Variants in PTPRM observed in about 807,000 individuals in gnomAD.
PTPRM encodes the protein protein tyrosine phosphatase receptor type M, also known as receptor-type tyrosine-protein phosphatase mu.
PTPRM carries 47 observed loss-of-function variants against 186.7 expected under a neutral mutation model. The ratio of observed to expected loss-of-function variants is 0.25; its 90% CI spans 0.20 to 0.32. The LOEUF (loss-of-function observed/expected upper bound fraction) is 0.32. PTPRM is among the 10% of genes least tolerant of loss of function. The probability of loss-of-function intolerance (pLI) is 1.00; values close to 1 mark genes in which losing one functional copy is unlikely to be tolerated. For missense variants in PTPRM, 1,494 were observed against 1,865.0 expected (o/e 0.80, Z 3.66); for synonymous variants, 668 against 674.9 (o/e 0.99, Z 0.16).
At chr18:7,754,496 A>C (rs1568081786) in intron 1 of PTPRM, among the ~76,000 whole-genome samples, 1 of 152,152 alleles carries the variant, frequency 6.6e-6, no homozygotes, top group Non-Finnish European at 1.5e-5. Flanking sequence ...AGCTCCCAAG[A>C]TGTTCCCTCC....
At chr18:7,886,349 G>T (rs999557624) in intron 2 of PTPRM, among the ~76,000 whole-genome samples, 2 of 152,086 alleles carry the variant, frequency 1.3e-5, no homozygotes, top group Non-Finnish European at 2.9e-5. Flanking sequence ...TGATACTCTC[G>T]TCACTTGTTC....
intron 1 of PTPRM, among the ~76,000 whole-genome samples, chr18:7,679,445 A>G (rs550672089): frequency 6.6e-6 from 1 of 152,236 alleles, no homozygotes; most frequent in East Asian, 1.9e-4. Flanking sequence ...CAAGTGGATC[A>G]CTTAAGGTCA....
intron 11 of PTPRM, among the ~76,000 whole-genome samples, chr18:8,110,884 A>G (rs985837424): frequency 6.6e-6 from 1 of 152,136 alleles, no homozygotes; most frequent in Non-Finnish European, 1.5e-5. Context: ...GTCAGTGGAG[A>G]CTAGCTTATG....
chr18:7,955,378 C>T lies in PTPRM; in HGVS notation c.1096C>T (p.Pro366Ser). ...GCCAGGGGAGGGTGGCACTGGCTCTCCTGGTCCAGCTCTCAGGACAAGAAC... is the reference window on the plus strand; with the variant it reads ...GCCAGGGGAGGGTGGCACTGGCTCTTCTGGTCCAGCTCTCAGGACAAGAAC... Reference protein sequence around the residue: ...TRPGEGGTGSPGPALRTRTKC... With the variant: ...TRPGEGGTGSSGPALRTRTKC... The change falls in exon 7 of 33, where the codon CCT (proline) becomes TCT (serine). Residue 366 changes from proline to serine, a missense_variant. Transcript: ENST00000580170. 6.2e-7 allele frequency: 1 copy of T among 1,613,964 alleles called. No individual in the cohort carries two copies. The highest frequency in any genetic ancestry group is 8.5e-7 in the Non-Finnish European group (1 of 1,179,912).
At chr18:8,053,442 C>T (rs1418238922) in intron 7 of PTPRM, among the ~76,000 whole-genome samples, 1 of 152,092 alleles carries the variant, frequency 6.6e-6, no homozygotes, top group African/African-American at 2.4e-5. Flanking sequence ...CTTCTCCTAG[C>T]ACCACTTGTG....
intron 2 of PTPRM, among the ~76,000 whole-genome samples, chr18:7,831,693 T>G (rs111737834): frequency 4.0e-4 from 61 of 152,314 alleles, no homozygotes; most frequent in African/African-American, 1.4e-3. Context: ...TATTGTGCTA[T>G]CAAATACTAG....
chr18:8,284,695 T>C (rs2094937589), intron 19 of PTPRM, among the ~76,000 whole-genome samples: 3 of 152,048 alleles, frequency 2.0e-5, no homozygotes, highest in African/African-American at 7.2e-5. Context: ...CTACAGTGAG[T>C]TACGATTGCA....
chr18:7,666,765 A>G (rs554774409), intron 1 of PTPRM, among the ~76,000 whole-genome samples: 37 of 152,288 alleles, frequency 2.4e-4, no homozygotes, highest in African/African-American at 7.2e-4. Context: ...AATGTAAACA[A>G]TTTGCATAGC....
chr18:8,130,437 G>GT (rs2092475614), intron 13 of PTPRM, among the ~76,000 whole-genome samples: 1 of 152,088 alleles, frequency 6.6e-6, no homozygotes. Flanking sequence ...ATGCAAAAAC[G>GT]TTTTTGTCAA....
chr18:8,006,210 CTAGCTCATA>C (rs1158961748), intron 7 of PTPRM, among the ~76,000 whole-genome samples: 8 of 152,316 alleles, frequency 5.3e-5, no homozygotes, highest in African/African-American at 1.9e-4. Context: ...TCTGTGATTA[CTAGCTCATA>C]TCTTCTGTCC....
intron 1 of PTPRM, among the ~76,000 whole-genome samples, chr18:7,579,498 C>A (rs2036787369): frequency 6.6e-6 from 1 of 152,280 alleles, no homozygotes; most frequent in African/African-American, 2.4e-5. Flanking sequence ...GAGAGCATTT[C>A]TTTTATAAAG....
intron 2 of PTPRM, among the ~76,000 whole-genome samples, chr18:7,860,475 G>C (rs1434753789): frequency 6.6e-6 from 1 of 152,004 alleles, no homozygotes; most frequent in Non-Finnish European, 1.5e-5. Flanking sequence ...AGGGGGCGGG[G>C]GTCTGTCTTG....
At chr18:8,095,402 G>T (rs1188520245) in intron 11 of PTPRM, among the ~76,000 whole-genome samples, 1 of 152,112 alleles carries the variant, frequency 6.6e-6, no homozygotes, top group Non-Finnish European at 1.5e-5. Flanking sequence ...GCTCCATGAA[G>T]ACAGGGAGGA....
intron 4 of PTPRM, among the ~76,000 whole-genome samples, chr18:7,924,512 A>G (rs141511543): frequency 3.3e-3 from 497 of 152,308 alleles, no homozygotes; most frequent in African/African-American, 0.011. Flanking sequence ...TAATGATTAT[A>G]AAGTTTTTTA....
At chr18:8,256,400 G>T (rs1050656466) in intron 19 of PTPRM, among the ~76,000 whole-genome samples, 1 of 152,182 alleles carries the variant, frequency 6.6e-6, no homozygotes, top group African/African-American at 2.4e-5. Context: ...AACCTCAAAA[G>T]GTTGTTGTGA....
At chr18:7,726,049 A>T (rs140416771) in intron 1 of PTPRM, among the ~76,000 whole-genome samples, 2 of 152,072 alleles carry the variant, frequency 1.3e-5, no homozygotes, top group African/African-American at 4.8e-5. Context: ...GCTCCTCCCC[A>T]AAAGCGCTCG....
chr18:8,148,943 C>T (rs1397547869), intron 14 of PTPRM, among the ~76,000 whole-genome samples: 1 of 152,162 alleles, frequency 6.6e-6, no homozygotes, highest in Admixed American at 6.5e-5. Flanking sequence ...TGTTCAGTTT[C>T]CCTGTAGTTG....
Position 7,936,848 on chromosome 18 carries a change from C to T in PTPRM, c.663+10165C>T, listed in dbSNP as rs143764623. Among the ~76,000 whole-genome samples, 1,381 of 152,294 alleles carry T rather than the reference C, an allele frequency of 9.1e-3. 19 individuals carry two copies. Among genetic ancestry groups the T allele is most frequent in the Non-Finnish European group, 9.8e-3 (668 of 68,016 alleles). ...ATCCATGGACTCAGCCAGACTCGAG[C>T]ACTCAGGCCGACCTGCCTGGAGAGA... On this transcript the variant is annotated intron_variant, in intron 5 of 32. Coordinates refer to ENST00000580170, the MANE Select transcript of PTPRM (RefSeq NM_001105244.2).
At position 7,887,943 on chromosome 18, in the gene PTPRM, G is replaced by A. The variant is rs139172651; in HGVS notation, c.197-163G>A. ...GAGAACATATAGGGGGATGATAGGA[G>A]GAGGAGGTGGTGATATATGAAATAG... On this transcript the variant is annotated intron_variant, in intron 2 of 32. Transcript: ENST00000580170. 96 of 823,808 alleles carry A rather than the reference G, an allele frequency of 1.2e-4. 1 individual carries two copies. The African/African-American group carries it at 1.5e-3, about 13-fold the overall frequency. The allele number at this position is 823,808 out of a possible 1,614,324, so 51.0% of individuals were successfully genotyped here. A position where few individuals can be genotyped will look rare whatever the true frequency, so the allele number is the denominator to read the frequency against.
Sources: gnomAD v4.1 joint callset for allele counts (sites outside exome capture counted in the v4.1 genomes callset) on GRCh38, gnomAD v4.1.1 for gene constraint, MANE v1.5 for transcripts, NCBI Gene and HGNC (gene_info 2026-07-23, HGNC 2026-07-21) for gene names.